The following CLIC5 variants were observed in gnomAD, a reference collection of about 807,000 sequenced individuals.
CLIC5 encodes the protein chloride intracellular channel protein 5.
Under a neutral mutation model 24.7 loss-of-function variants are expected in CLIC5, and 20 were observed. That is an observed-to-expected ratio of 0.81 (90% CI 0.57 to 1.18). CLIC5 has a LOEUF of 1.18. Among genes scored for constraint, CLIC5 ranks in the 50% most tolerant of loss-of-function variants. The probability of loss-of-function intolerance (pLI) is 0.00; values close to 1 mark genes in which losing one functional copy is unlikely to be tolerated. For synonymous variants in CLIC5, 159 were observed against 135.6 expected, an observed-to-expected ratio of 1.17 and a Z score of -1.20; for missense variants, 341 against 326.1, an observed-to-expected ratio of 1.05 and a Z score of -0.35.
At chr6:46,094,374 C>T in the CLIC5 span, among the ~76,000 whole-genome samples, 5 of 152,200 alleles carry the variant, frequency 3.3e-5, no homozygotes, top group Non-Finnish European at 2.9e-5. Context: ...TGTCCAAAGT[C>T]TCATCTGAGA....
chr6:46,032,664 T>C (rs1767537111), intron 1 of CLIC5, among the ~76,000 whole-genome samples: 1 of 152,198 alleles, frequency 6.6e-6, no homozygotes, highest in Non-Finnish European at 1.5e-5. Flanking sequence ...ATCTACAGAC[T>C]CATCCCTGGA....
chr6:46,053,944 T>G (rs1280897954), intron 1 of CLIC5, among the ~76,000 whole-genome samples: 1 of 152,150 alleles, frequency 6.6e-6, no homozygotes, highest in East Asian at 1.9e-4. Context: ...TGCTCAGCAG[T>G]CAGCAAGAAA....
chr6:45,926,629 T>C (rs1763510238), intron 4 of CLIC5, among the ~76,000 whole-genome samples: 1 of 152,142 alleles, frequency 6.6e-6, no homozygotes, highest in Admixed American at 6.5e-5. Flanking sequence ...GAAAAATAAT[T>C]TGACCTCTGG....
At chr6:45,941,070 C>T (rs1764112562) in intron 4 of CLIC5, among the ~76,000 whole-genome samples, 1 of 152,150 alleles carries the variant, frequency 6.6e-6, no homozygotes, top group Non-Finnish European at 1.5e-5. Context: ...GAACACAGCC[C>T]AGGTCTGCCT....
chr6:46,015,669 CA>C lies in CLIC5; in HGVS notation c.-128del. On this transcript the variant is annotated 5_prime_UTR_variant, in exon 1 of 6. The change abolishes the stop of an existing upstream ORF in the 5' untranslated region. Transcript: ENST00000339561. ...CTTCAGGGCGGTGTTTAATTTTTCA[CA>C]AAACCATCTATTCTCCAGCCCGAGC... is the stretch of plus-strand genomic sequence containing the variant. 7.6e-7 allele frequency: 1 copy of C among 1,310,076 alleles called. No homozygotes were observed. Among genetic ancestry groups the C allele is most frequent in the Non-Finnish European group, 9.8e-7 (1 of 1,021,726 alleles). 81.2% of individuals were successfully genotyped at this position (1,310,076 alleles called of 1,614,324 possible).
intron 1 of CLIC5, among the ~76,000 whole-genome samples, chr6:46,050,134 T>C (rs1768063038): frequency 1.3e-5 from 2 of 152,290 alleles, no homozygotes; most frequent in South Asian, 4.2e-4. Context: ...TTTATTCACT[T>C]GTCCATTGAT....
intron 1 of CLIC5, among the ~76,000 whole-genome samples, chr6:45,992,960 C>G (rs1290884437): frequency 1.3e-5 from 2 of 152,184 alleles, no homozygotes; most frequent in Non-Finnish European, 2.9e-5. Context: ...CACACACACA[C>G]AGACACACAA....
rs192879719 is a variant in CLIC5 at position 46,004,391 on chromosome 6, G to T, written c.63+11089C>A. Among the ~76,000 whole-genome samples, 570 of 152,292 alleles carry T rather than the reference G, an allele frequency of 3.7e-3. 2 individuals are homozygous for T. The highest frequency in any genetic ancestry group is 0.013 in the African/African-American group (520 of 41,552). On this transcript the variant is annotated intron_variant, in intron 1 of 5. Transcript: ENST00000339561. The stretch of plus-strand genomic sequence containing the variant: ...ATTGAGCTCTGGACTATGGAAAGTG[G>T]GTGGAAGTGATTCGACCATGCAAAC...
chr6:46,048,085 C>A (rs879894449), intron 1 of CLIC5, among the ~76,000 whole-genome samples: 1 of 151,792 alleles, frequency 6.6e-6, no homozygotes, highest in Non-Finnish European at 1.5e-5. Context: ...TCACTGCAAC[C>A]TCTACATCCC....
At chr6:46,031,227 G>A (rs1174665292) in intron 1 of CLIC5, among the ~76,000 whole-genome samples, 3 of 152,134 alleles carry the variant, frequency 2.0e-5, no homozygotes, top group Non-Finnish European at 4.4e-5. Flanking sequence ...ATAGTAAGTT[G>A]CTGGATCCCT....
chr6:45,914,914 AATTT>A lies in CLIC5; in HGVS notation c.407-509_407-506del, dbSNP rs967912196. 1.2e-3 allele frequency among the ~76,000 whole-genome samples: 179 copies of A among 151,816 alleles called. 1 individual carries two copies. The highest frequency in any genetic ancestry group is 4.2e-3 in the African/African-American group (172 of 41,424). Reference sequence around the variant, plus strand: ...TGCAGTAAGTGAAATAATACTAGCCAATTTATTTATTTATTTGTTTGTTTATTTA... The same window carrying A: ...TGCAGTAAGTGAAATAATACTAGCCAATTTATTTATTTGTTTGTTTATTTA... On this transcript the variant is annotated intron_variant, in intron 4 of 5. Transcript: ENST00000339561.
the CLIC5 span, among the ~76,000 whole-genome samples, chr6:46,114,530 A>G: frequency 1.3e-5 from 2 of 152,088 alleles, no homozygotes; most frequent in Non-Finnish European, 2.9e-5. Context: ...GGGCATCTTA[A>G]TGGGAGTTCC....
intron 5 of CLIC5, among the ~76,000 whole-genome samples, chr6:45,908,265 A>G (rs1383952143): frequency 1.3e-5 from 2 of 152,018 alleles, no homozygotes; most frequent in Non-Finnish European, 2.9e-5. Context: ...TTGGGTCTCA[A>G]TTTCATTCAG....
intron 5 of CLIC5, among the ~76,000 whole-genome samples, chr6:45,905,735 C>A (rs539289724): frequency 1.3e-5 from 2 of 152,054 alleles, no homozygotes; most frequent in African/African-American, 4.8e-5. Flanking sequence ...ATAATTAAGT[C>A]CCACTTGTCA....
chr6:45,913,915 G>A (rs1762912546), intron 5 of CLIC5: 2 of 725,558 alleles, frequency 2.8e-6, no homozygotes, highest in South Asian at 7.1e-5. Flanking sequence ...TGATATGACT[G>A]TATACAACAA....
upstream of CLIC5, among the ~76,000 whole-genome samples, chr6:46,082,680 A>G (rs1762949574): frequency 6.6e-6 from 1 of 152,112 alleles, no homozygotes; most frequent in Admixed American, 6.6e-5. Context: ...CCCAACTCCT[A>G]TAAATTTTTG....
At chr6:45,941,140 G>T (rs959530459) in intron 4 of CLIC5, among the ~76,000 whole-genome samples, 1 of 152,172 alleles carries the variant, frequency 6.6e-6, no homozygotes, top group Non-Finnish European at 1.5e-5. Context: ...AAAAATCCCT[G>T]GAGAAACCTT....
chr6:45,927,087 G>A (rs1763528991), intron 4 of CLIC5, among the ~76,000 whole-genome samples: 1 of 152,110 alleles, frequency 6.6e-6, no homozygotes, highest in Non-Finnish European at 1.5e-5. Flanking sequence ...ACGTGCCCGT[G>A]GCTCTGATGA....
At chr6:45,909,571 A>T (rs753818300) in intron 5 of CLIC5, among the ~76,000 whole-genome samples, 23 of 152,062 alleles carry the variant, frequency 1.5e-4, no homozygotes, top group Admixed American at 6.6e-4. Context: ...CTTGGTTGGA[A>T]TTTCTTTCTT....
Sources: gnomAD v4.1 joint callset for allele counts (sites outside exome capture counted in the v4.1 genomes callset) on GRCh38, gnomAD v4.1.1 for gene constraint, MANE v1.5 for transcripts, NCBI Gene and HGNC (gene_info 2026-07-23, HGNC 2026-07-21) for gene names.